SMAD3: variants seen among roughly 807,000 people sequenced by gnomAD.
SMAD3 encodes SMAD family member 3, also known as MAD homolog 3.
SMAD3 carries 12 observed loss-of-function variants against 51.8 expected under a neutral mutation model. The ratio of observed to expected loss-of-function variants is 0.23; its 90% CI spans 0.15 to 0.38. SMAD3 has a LOEUF of 0.38. SMAD3 is among the 10% of genes least tolerant of loss of function. The probability of loss-of-function intolerance (pLI) is 1.00; values close to 1 mark genes in which losing one functional copy is unlikely to be tolerated. For synonymous variants in SMAD3, 238 were observed against 227.7 expected (o/e 1.05, Z -0.41); for missense variants, 294 against 565.6 (o/e 0.52, Z 4.87).
At position 67,114,582 on chromosome 15, in the gene SMAD3, T is replaced by C. The variant is rs567283231; in HGVS notation, c.206+48222T>C. 4.5e-4 allele frequency among the ~76,000 whole-genome samples: 68 copies of C among 152,346 alleles called. 2 individuals carry two copies. The highest frequency in any genetic ancestry group is 4.4e-3 in the Admixed American group (67 of 15,308). On this transcript the variant is annotated intron_variant, in intron 1 of 8. Transcript: ENST00000327367. ...AGGGGTAGTTGTCATTACTTCGCAGTTGACAGATGGGGAAATGGAGGTTCA... is the reference window on the plus strand; with the variant it reads ...AGGGGTAGTTGTCATTACTTCGCAGCTGACAGATGGGGAAATGGAGGTTCA...
At chr15:67,081,066 A>C (rs1380143732) in intron 1 of SMAD3, among the ~76,000 whole-genome samples, 1 of 152,226 alleles carries the variant, frequency 6.6e-6, no homozygotes, top group Non-Finnish European at 1.5e-5. Flanking sequence ...TATAAATTCA[A>C]ACCAAACTTG....
intron 1 of SMAD3, among the ~76,000 whole-genome samples, chr15:67,088,907 A>G: frequency 6.6e-6 from 1 of 152,160 alleles, no homozygotes; most frequent in Non-Finnish European, 1.5e-5. Context: ...AGCCTGGGCA[A>G]CAGAGCCAGA....
rs188866341 is a variant in SMAD3, at chr15:67,126,849, G to A, written c.207-38046G>A. 2.7e-3 allele frequency among the ~76,000 whole-genome samples: 408 copies of A among 152,336 alleles called. 3 individuals carry two copies. The highest frequency in any genetic ancestry group is 5.0e-3 in the Non-Finnish European group (342 of 68,030). On this transcript the variant is annotated intron_variant, in intron 1 of 8. Coordinates refer to ENST00000327367, the MANE Select transcript of SMAD3 (RefSeq NM_005902.4). ...ATGGTGTGAATGGTGGGGCCTCACTGAATTGTGGAGTGGGGGGCAGTGTGT... is the reference window on the plus strand; with the variant it reads ...ATGGTGTGAATGGTGGGGCCTCACTAAATTGTGGAGTGGGGGGCAGTGTGT...
intron 1 of SMAD3, among the ~76,000 whole-genome samples, chr15:67,151,922 A>G (rs1962157062): frequency 6.6e-6 from 1 of 152,166 alleles, no homozygotes; most frequent in African/African-American, 2.4e-5. Context: ...ATTTGAAACT[A>G]TGTAATATAT....
intron 1 of SMAD3, among the ~76,000 whole-genome samples, chr15:67,099,755 C>T (rs749347489): frequency 6.6e-6 from 1 of 152,204 alleles, no homozygotes; most frequent in Admixed American, 6.5e-5. Flanking sequence ...TTGCACACCA[C>T]GTGCCCCATA....
At position 67,189,005 on chromosome 15, in the gene SMAD3, A is replaced by T. The variant is rs1418026816; in HGVS notation, c.1155-1408A>T. On this transcript the variant is annotated intron_variant, in intron 8 of 8. Coordinates refer to ENST00000327367, the MANE Select transcript of SMAD3 (RefSeq NM_005902.4). ...GGAGCAATCAAAGTGGTCAGACCTC[A>T]AAAGAACTTACAACTATGTTATGGC... 3.9e-5 allele frequency among the ~76,000 whole-genome samples: 6 copies of T among 152,240 alleles called. No homozygotes were observed. In the East Asian group the frequency reaches 1.2e-3, roughly 29 times the overall value.
At chr15:67,188,247 C>A (rs1239533251) in intron 8 of SMAD3, among the ~76,000 whole-genome samples, 1 of 149,764 alleles carries the variant, frequency 6.7e-6, no homozygotes, top group Non-Finnish European at 1.5e-5. Context: ...GCCTCCAGGA[C>A]GTGCCTCAGC....
intron 1 of SMAD3, among the ~76,000 whole-genome samples, chr15:67,110,468 A>G (rs1307322798): frequency 6.6e-6 from 1 of 152,248 alleles, no homozygotes; most frequent in African/African-American, 2.4e-5. Context: ...GATGGGGGAT[A>G]GGATGCTGAC....
At chr15:67,163,925 C>T (rs1962497758) in intron 1 of SMAD3, among the ~76,000 whole-genome samples, 1 of 111,702 alleles carries the variant, frequency 9.0e-6, no homozygotes, top group Non-Finnish European at 1.7e-5. Flanking sequence ...AGTGACAGAG[C>T]AACACCCTGT....
intron 1 of SMAD3, among the ~76,000 whole-genome samples, chr15:67,129,813 TATC>T (rs1459673590): frequency 2.6e-5 from 4 of 152,264 alleles, no homozygotes; most frequent in African/African-American, 9.6e-5. Context: ...CATTCTTCTT[TATC>T]ATACTGAGTC....
chr15:67,126,712 C>T (rs1288072743), intron 1 of SMAD3, among the ~76,000 whole-genome samples: 1 of 152,204 alleles, frequency 6.6e-6, no homozygotes, highest in Non-Finnish European at 1.5e-5. Flanking sequence ...ACAGTAGGCC[C>T]TTGGTAAATG....
chr15:67,126,090 C>A (rs1045933715), intron 1 of SMAD3: 1 of 506,748 alleles, frequency 2.0e-6, no homozygotes, highest in Non-Finnish European at 2.5e-6. Context: ...TAGGGAATTG[C>A]GTAGTTTTTT....
intron 1 of SMAD3, among the ~76,000 whole-genome samples, chr15:67,120,268 C>T (rs1961229374): frequency 6.6e-6 from 1 of 152,154 alleles, no homozygotes; most frequent in Non-Finnish European, 1.5e-5. Context: ...GGCTGCTTAA[C>T]GTGATGTGGG....
At chr15:67,100,011 A>C (rs1318880254) in intron 1 of SMAD3, among the ~76,000 whole-genome samples, 1 of 151,982 alleles carries the variant, frequency 6.6e-6, no homozygotes, top group Non-Finnish European at 1.5e-5. Flanking sequence ...GTGAAACCCC[A>C]TCTCTACTAA....
intron 1 of SMAD3, among the ~76,000 whole-genome samples, chr15:67,162,877 TCATA>T: frequency 6.6e-6 from 1 of 152,148 alleles, no homozygotes; most frequent in South Asian, 2.1e-4. Context: ...GGTGCCATGG[TCATA>T]CACTCTTGGG....
Position 67,131,621 on chromosome 15 carries a change from T to C in SMAD3, c.207-33274T>C, listed in dbSNP as rs28433951. Among the ~76,000 whole-genome samples the C allele has an allele frequency of 3.7e-3, 557 of 152,268 alleles. 3 individuals are homozygous for C. The highest frequency in any genetic ancestry group is 0.013 in the African/African-American group (530 of 41,554). Reference sequence around the variant, plus strand: ...AAACTGATGCTCAGAGACTTGGACCTTTCTGAACATCATGAAGCTAGGGAT... The same window carrying C: ...AAACTGATGCTCAGAGACTTGGACCCTTCTGAACATCATGAAGCTAGGGAT... On this transcript the variant is annotated intron_variant, in intron 1 of 8. Coordinates refer to ENST00000327367, the MANE Select transcript of SMAD3 (RefSeq NM_005902.4).
At chr15:67,164,034 A>G (rs1430117171) in intron 1 of SMAD3, among the ~76,000 whole-genome samples, 4 of 151,598 alleles carry the variant, frequency 2.6e-5, no homozygotes, top group Non-Finnish European at 5.9e-5. Context: ...AGGAGGGGCC[A>G]GGCACGGTGG....
intron 7 of SMAD3, among the ~76,000 whole-genome samples, chr15:67,185,122 C>T (rs980965983): frequency 2.6e-5 from 4 of 151,966 alleles, no homozygotes; most frequent in Non-Finnish European, 5.9e-5. Context: ...CGTAGATGCT[C>T]AGGCAGTATG....
rs1004238086 is a variant in SMAD3, at chr15:67,168,365, C to T, written c.607+1512C>T. On this transcript the variant is annotated intron_variant, in intron 4 of 8. Coordinates refer to ENST00000327367, the MANE Select transcript of SMAD3 (RefSeq NM_005902.4). Reference sequence around the variant, plus strand: ...CACCCGGTGAAACACACCCACCCGGCGGAGTGACTAGTAGCGCGAACCAGC... The same window carrying T: ...CACCCGGTGAAACACACCCACCCGGTGGAGTGACTAGTAGCGCGAACCAGC... Among the ~76,000 whole-genome samples, 5 of 152,316 alleles carry T rather than the reference C, an allele frequency of 3.3e-5. No individual in the cohort carries two copies. The East Asian group carries it at 7.7e-4, about 24-fold the overall frequency.
Sources: gnomAD v4.1 joint callset for allele counts (sites outside exome capture counted in the v4.1 genomes callset) on GRCh38, gnomAD v4.1.1 for gene constraint, MANE v1.5 for transcripts, NCBI Gene and HGNC (gene_info 2026-07-23, HGNC 2026-07-21) for gene names.